Variants in CCSER2 observed in about 807,000 individuals in gnomAD.
CCSER2 encodes the protein serine-rich coiled-coil domain-containing protein 2.
A neutral mutation model predicts 92.3 loss-of-function variants in CCSER2; 46 were observed. The observed-to-expected ratio is 0.50, with a 90% CI of 0.39 to 0.64. The LOEUF is 0.64. Among genes scored for constraint, CCSER2 ranks in the 30% least tolerant of loss-of-function variants. The pLI is 0.00. For synonymous variants in CCSER2, 433 were observed against 431.4 expected, an observed-to-expected ratio of 1.00 and a Z score of -0.04; for missense variants, 1,244 against 1,238.9, an observed-to-expected ratio of 1.00 and a Z score of -0.06.
At position 84,397,885 on chromosome 10, in the gene CCSER2, A is replaced by G. The variant is rs571542763; in HGVS notation, c.1615-19886A>G. ...CAGAAAGGAAGGAACAAATATTTAA[A>G]TTATAGAAAGTGAATGCAGTAAGTA... On this transcript the variant is annotated intron_variant, in intron 3 of 9. Transcript: ENST00000372088. 2.0e-5 allele frequency among the ~76,000 whole-genome samples: 3 copies of G among 152,366 alleles called. 1 individual carries two copies. The South Asian group carries it at 6.2e-4, about 32-fold the overall frequency.
intron 1 of CCSER2, among the ~76,000 whole-genome samples, chr10:84,329,536 C>A (rs1460335581): frequency 1.3e-5 from 2 of 152,162 alleles, no homozygotes; most frequent in African/African-American, 4.8e-5. Flanking sequence ...GTTGGTAGCT[C>A]ACTCCTGTAA....
Position 84,371,585 on chromosome 10 carries a change from G to C in CCSER2, c.533G>C (p.Gly178Ala), listed in dbSNP as rs760391013. The change falls in exon 2 of 10, where the codon GGA becomes GCA. Residue 178 changes from glycine (G) to alanine (A), a missense_variant. Gly to Ala is a moderately conservative substitution (Grantham distance 60). Coordinates refer to ENST00000372088, the MANE Select transcript of CCSER2 (RefSeq NM_001284240.2). ...AAATCACAGTTGAATGGATTTTATG[G>C]AAACCGATCAGCTGGTAGCATGCAA... ...TPKSQLNGFY[G>A]NRSAGSMQRP... 3 of 1,613,672 alleles carry C rather than the reference G, an allele frequency of 1.9e-6. No homozygotes were observed. The highest frequency in any genetic ancestry group is 2.5e-6 in the Non-Finnish European group (3 of 1,179,838).
At chr10:84,480,659 G>T (rs1452459564) in intron 9 of CCSER2, among the ~76,000 whole-genome samples, 1 of 152,072 alleles carries the variant, frequency 6.6e-6, no homozygotes, top group Admixed American at 6.6e-5. Context: ...TTATTCTATA[G>T]CAAATATAGA....
At chr10:84,465,379 T>C (rs12783160) in intron 7 of CCSER2, among the ~76,000 whole-genome samples, 29,030 of 142,896 alleles carry the variant, frequency 0.2, 3,260 homozygotes, top group Admixed American at 0.33. Context: ...GGCTGGAATG[T>C]AGTGGCGCAA....
At chr10:84,499,372 G>A (rs1261621240) in intron 9 of CCSER2, among the ~76,000 whole-genome samples, 1 of 152,090 alleles carries the variant, frequency 6.6e-6, no homozygotes, top group East Asian at 1.9e-4. Context: ...CTGACCTCGT[G>A]ATCCACCCGC....
intron 5 of CCSER2, among the ~76,000 whole-genome samples, chr10:84,428,593 A>C (rs1005489396): frequency 2.6e-5 from 4 of 152,162 alleles, no homozygotes; most frequent in Non-Finnish European, 5.9e-5. Flanking sequence ...ATTTTGGATA[A>C]AAATGTCTTT....
intron 1 of CCSER2, among the ~76,000 whole-genome samples, chr10:84,363,560 G>A (rs1361914972): frequency 2.6e-5 from 4 of 152,068 alleles, no homozygotes; most frequent in Non-Finnish European, 5.9e-5. Flanking sequence ...CTAAAATGCA[G>A]ACAATTTATA....
chr10:84,344,729 T>C (rs981244894), intron 1 of CCSER2, among the ~76,000 whole-genome samples: 6 of 152,170 alleles, frequency 3.9e-5, no homozygotes, highest in African/African-American at 1.4e-4. Flanking sequence ...GAGCATCTTA[T>C]GATTACAGAT....
At chr10:84,449,989 C>A (rs765293980) in intron 6 of CCSER2, among the ~76,000 whole-genome samples, 1 of 152,196 alleles carries the variant, frequency 6.6e-6, no homozygotes, top group Non-Finnish European at 1.5e-5. Flanking sequence ...TAACCTGATA[C>A]ATGTAATGCA....
intron 3 of CCSER2, among the ~76,000 whole-genome samples, chr10:84,386,921 C>T (rs1841244104): frequency 6.6e-6 from 1 of 152,022 alleles, no homozygotes; most frequent in African/African-American, 2.4e-5. Context: ...ATAATAGATA[C>T]TGGGGACTTC....
intron 3 of CCSER2, among the ~76,000 whole-genome samples, chr10:84,409,038 T>C (rs912395649): frequency 3.9e-5 from 6 of 152,210 alleles, no homozygotes; most frequent in African/African-American, 1.4e-4. Context: ...TTGCCTGGGC[T>C]GGAGTGCAGT....
At chr10:84,394,385 A>ATGTGTGTGTG (rs60891669) in intron 3 of CCSER2, among the ~76,000 whole-genome samples, 4,004 of 132,606 alleles carry the variant, frequency 0.03, 93 homozygotes, top group East Asian at 0.057. Context: ...AAAGGAAAGT[A>ATGTGTGTGTG]TGTGTGTGTG....
intron 3 of CCSER2, chr10:84,392,042 G>C: frequency 8.3e-7 from 1 of 1,206,842 alleles, no homozygotes; most frequent in Non-Finnish European, 1.2e-6. Flanking sequence ...GCTGTTTATG[G>C]TGTTTAATAC....
Position 84,413,123 on chromosome 10 carries a change from G to A in CCSER2, c.1615-4648G>A, listed in dbSNP as rs973668869. On this transcript the variant is annotated intron_variant, in intron 3 of 9. Transcript: ENST00000372088. ...ATTCATTGATTTTTTTTTTTTTTTT[G>A]AAGGATTTCTGTGTCTCCATCTTCT... Among the ~76,000 whole-genome samples, 3 of 63,526 alleles carry A rather than the reference G, an allele frequency of 4.7e-5. No individual in the cohort carries two copies. In the Admixed American group the frequency reaches 4.9e-4, roughly 10 times the overall value. 41.7% of individuals were successfully genotyped at this position (63,526 alleles called of 152,430 possible).
At chr10:84,429,190 A>G (rs759993621) in intron 5 of CCSER2, among the ~76,000 whole-genome samples, 17 of 151,942 alleles carry the variant, frequency 1.1e-4, no homozygotes, top group Admixed American at 7.9e-4. Flanking sequence ...GTTTTGTAGT[A>G]TTGACCAGTG....
rs1345114429 is a variant in CCSER2, at chr10:84,517,214, TTAG to T, written c.*2951_*2953del. The T allele has an allele frequency of 6.6e-6, 1 of 152,392 alleles. No individual in the cohort carries two copies. Among genetic ancestry groups the T allele is most frequent in the Non-Finnish European group, 1.5e-5 (1 of 68,026 alleles). 9.4% of individuals were successfully genotyped at this position (152,392 alleles called of 1,614,324 possible). A position where few individuals can be genotyped will look rare whatever the true frequency, so the allele number is the denominator to read the frequency against. On this transcript the variant is annotated 3_prime_UTR_variant, in exon 10 of 10. Coordinates refer to ENST00000372088, the MANE Select transcript of CCSER2 (RefSeq NM_001284240.2). ...AGTTTCACATTCGTGAAAGAGGAAA[TTAG>T]TAGAGTATTCAGACTTTGATATTTG...
At chr10:84,380,999 C>A (rs146982921) in intron 3 of CCSER2, among the ~76,000 whole-genome samples, 1 of 152,236 alleles carries the variant, frequency 6.6e-6, no homozygotes, top group East Asian at 1.9e-4. Flanking sequence ...CATGCCCAGC[C>A]TCTCTGTGTT....
At chr10:84,414,927 TTAGTC>T (rs1216099755) in intron 3 of CCSER2, among the ~76,000 whole-genome samples, 1 of 152,214 alleles carries the variant, frequency 6.6e-6, no homozygotes, top group Non-Finnish European at 1.5e-5. Context: ...TTTCCTCTAC[TTAGTC>T]TATTCTGCTA....
intron 9 of CCSER2, among the ~76,000 whole-genome samples, chr10:84,501,311 G>A (rs1194622802): frequency 6.6e-6 from 1 of 152,088 alleles, no homozygotes; most frequent in Non-Finnish European, 1.5e-5. Flanking sequence ...TATGTTCTTA[G>A]GCTTGTGGCC....
Sources: allele counts gnomAD v4.1 joint callset (sites outside exome capture counted in the v4.1 genomes callset), GRCh38; gene constraint gnomAD v4.1.1; transcripts MANE v1.5; gene names NCBI Gene and HGNC (gene_info 2026-07-23, HGNC 2026-07-21).